The following DCK variants were observed in gnomAD, a reference collection of about 807,000 sequenced individuals.
DCK encodes deoxyadenosine kinase.
In DCK, 23 loss-of-function variants were observed where a neutral mutation model predicts 38.3. That is an observed-to-expected ratio of 0.60 (90% CI 0.43 to 0.85). The LOEUF (loss-of-function observed/expected upper bound fraction) is 0.85. Ranked by LOEUF, DCK falls within the 40% of genes least tolerant of loss-of-function variation. The probability of loss-of-function intolerance (pLI) is 0.00; values close to 1 mark genes in which losing one functional copy is unlikely to be tolerated. For missense variants in DCK, 259 were observed against 304.4 expected, an observed-to-expected ratio of 0.85 and a Z score of 1.11; for synonymous variants, 108 against 100.6, an observed-to-expected ratio of 1.07 and a Z score of -0.44.
Position 71,029,500 on chromosome 4 carries a change from G to A in DCK, c.*122G>A. ...AAGTTTTTAATCGTTTTTGTTTTAA[G>A]GAAAAAAGATTTTTAAAATGAATCT... On this transcript the variant is annotated 3_prime_UTR_variant, in exon 7 of 7. Coordinates refer to ENST00000286648, the MANE Select transcript of DCK (RefSeq NM_000788.3). 4.3e-6 allele frequency: 3 copies of A among 704,204 alleles called. No individual in the cohort carries two copies. The highest frequency in any genetic ancestry group is 3.6e-5 in the South Asian group (2 of 55,042). The allele number at this position is 704,204 out of a possible 1,614,324, so 43.6% of individuals were successfully genotyped here.
At chr4:71,024,941 A>C (rs1740510649) in intron 4 of DCK, among the ~76,000 whole-genome samples, 1 of 152,098 alleles carries the variant, frequency 6.6e-6, no homozygotes, top group South Asian at 2.1e-4. Flanking sequence ...TCATTTTGAT[A>C]CTGATAATTT....
chr4:71,006,948 G>T (rs868238867), intron 2 of DCK, among the ~76,000 whole-genome samples: 1 of 152,054 alleles, frequency 6.6e-6, no homozygotes. Flanking sequence ...AGGAATTCTG[G>T]GAATAATAAT....
At chr4:71,025,385 T>A (rs189764123) in intron 4 of DCK, among the ~76,000 whole-genome samples, 1 of 151,956 alleles carries the variant, frequency 6.6e-6, no homozygotes, top group African/African-American at 2.4e-5. Context: ...TGATATAGAG[T>A]TTTCATCACA....
At chr4:71,028,810 T>A in intron 6 of DCK, 2 of 306,044 alleles carry the variant, frequency 6.5e-6, no homozygotes, top group South Asian at 2.5e-5. Context: ...CAGGCTGGAG[T>A]GCGATGGCGC....
At chr4:70,994,314 A>G (rs909266837) in intron 1 of DCK, among the ~76,000 whole-genome samples, 2 of 152,220 alleles carry the variant, frequency 1.3e-5, no homozygotes, top group Admixed American at 1.3e-4. Context: ...GCCTTTTGCT[A>G]TCACCATGAT....
rs913257860 is a variant in DCK at position 70,993,705 on chromosome 4, C to T, written c.-131C>T. 7 of 604,864 alleles carry T rather than the reference C, an allele frequency of 1.2e-5. No individual in the cohort carries two copies. Among genetic ancestry groups the T allele is most frequent in the Non-Finnish European group, 2.0e-5 (7 of 348,052 alleles). The allele number at this position is 604,864 out of a possible 1,614,324, so 37.5% of individuals were successfully genotyped here. On this transcript the variant is annotated 5_prime_UTR_variant, in exon 1 of 7. Transcript: ENST00000286648. ...CAAACCCCGACACCCGCCGGCGGGC[C>T]GGTGAGCTCACTAGCTGACCCGGCA...
chr4:71,018,416 C>G (rs1383534316), intron 2 of DCK, among the ~76,000 whole-genome samples: 1 of 152,122 alleles, frequency 6.6e-6, no homozygotes, highest in African/African-American at 2.4e-5. Flanking sequence ...GCGTGAGCCA[C>G]TGCGCCCGGC....
intron 6 of DCK, 158 bp downstream of exon 6, chr4:71,026,913 G>T: frequency 2.5e-6 from 1 of 399,830 alleles, no homozygotes. Flanking sequence ...TTCCAGTCCT[G>T]ACTAAATTCT....
In DCK at chr4:71,029,645, A is replaced by G. The variant is rs1740639075; in HGVS notation, c.*267A>G. The G allele has an allele frequency of 2.7e-6, 1 of 365,296 alleles. No individual in the cohort carries two copies. The highest frequency in any genetic ancestry group is 4.6e-5 in the Admixed American group (1 of 21,564). 22.6% of individuals were successfully genotyped at this position (365,296 alleles called of 1,614,324 possible). The stretch of plus-strand genomic sequence containing the variant: ...AGAGGTAGATGGTTCCAGTATCAGC[A>G]TAGTGACTAAACTACATTATAAAAG... On this transcript the variant is annotated 3_prime_UTR_variant, in exon 7 of 7. Coordinates refer to ENST00000286648, the MANE Select transcript of DCK (RefSeq NM_000788.3).
chr4:71,029,239 T>C, intron 6 of DCK, 113 bp from the exon 7 acceptor site: 10 of 590,514 alleles, frequency 1.7e-5, no homozygotes. Flanking sequence ...ATTGTGGTAG[T>C]TACTTATACA....
intron 2 of DCK, among the ~76,000 whole-genome samples, chr4:71,003,652 C>T (rs538943072): frequency 6.6e-6 from 1 of 152,066 alleles, no homozygotes; most frequent in Non-Finnish European, 1.5e-5. Flanking sequence ...TTGTTTGTTC[C>T]TTTTCATTCT....
At chr4:71,028,130 C>G (rs1044817128) in intron 6 of DCK, among the ~76,000 whole-genome samples, 2 of 152,198 alleles carry the variant, frequency 1.3e-5, no homozygotes, top group African/African-American at 4.8e-5. Flanking sequence ...ATGTGATTCA[C>G]ATATGTGCTT....
intron 2 of DCK, among the ~76,000 whole-genome samples, chr4:71,005,041 C>T (rs893395459): frequency 6.6e-6 from 1 of 152,196 alleles, no homozygotes; most frequent in Admixed American, 6.5e-5. Context: ...AAAAAAAACT[C>T]CTGCAGCTAA....
intron 2 of DCK, among the ~76,000 whole-genome samples, chr4:71,015,020 C>T (rs1740220778): frequency 6.6e-6 from 1 of 152,142 alleles, no homozygotes. Flanking sequence ...TGATAGACCG[C>T]TAGCAAGACT....
chr4:71,013,736 C>T (rs1431210994), intron 2 of DCK, among the ~76,000 whole-genome samples: 1 of 152,164 alleles, frequency 6.6e-6, no homozygotes, highest in East Asian at 1.9e-4. Flanking sequence ...ACCAGGCCTG[C>T]CCTACAAGAG....
intron 2 of DCK, among the ~76,000 whole-genome samples, chr4:71,018,514 A>C (rs1560686473): frequency 1.3e-5 from 2 of 152,106 alleles, no homozygotes; most frequent in African/African-American, 4.8e-5. Context: ...AATGTAGCTA[A>C]ACTGCTTTCT....
chr4:71,008,272 A>G (rs1212702233), intron 2 of DCK, among the ~76,000 whole-genome samples: 7 of 152,200 alleles, frequency 4.6e-5, no homozygotes, highest in South Asian at 2.1e-4. Flanking sequence ...TCATTAATCT[A>G]TGTCTTTGCC....
chr4:71,018,342 A>G (rs1263321007), intron 2 of DCK, among the ~76,000 whole-genome samples: 4 of 151,828 alleles, frequency 2.6e-5, no homozygotes, highest in African/African-American at 7.3e-5. Context: ...GTTAGCCAGG[A>G]TGGTCTCGAT....
chr4:71,004,297 C>A (rs936925455), intron 2 of DCK, among the ~76,000 whole-genome samples: 1 of 152,236 alleles, frequency 6.6e-6, no homozygotes, highest in African/African-American at 2.4e-5. Context: ...GGCTGCAGAA[C>A]AGCAAAGATT....
Sources: allele counts gnomAD v4.1 joint callset (sites outside exome capture counted in the v4.1 genomes callset), GRCh38; gene constraint gnomAD v4.1.1; transcripts MANE v1.5; gene names NCBI Gene and HGNC (gene_info 2026-07-23, HGNC 2026-07-21).